Variants in NRG1 observed in about 807,000 individuals in gnomAD.
The protein encoded by NRG1 is pro-neuregulin-1, membrane-bound isoform.
A neutral mutation model predicts 63.8 loss-of-function variants in NRG1; 18 were observed. The observed-to-expected ratio is 0.28, with a 90% CI of 0.19 to 0.42. The LOEUF (loss-of-function observed/expected upper bound fraction) is 0.42, where lower values mean the gene tolerates loss of function less well. Ranked by LOEUF, NRG1 falls within the 10% of genes least tolerant of loss-of-function variation. The pLI, the probability that NRG1 is intolerant of heterozygous loss-of-function variation, is 1.00. For missense variants in NRG1, 762 were observed against 814.7 expected (o/e 0.94, Z 0.79); for synonymous variants, 302 against 301.3 (o/e 1.00, Z -0.02).
chr8:32,130,065 T>C (rs146874537), intron 1 of NRG1, among the ~76,000 whole-genome samples: 1,558 of 152,048 alleles, frequency 0.01, 12 homozygotes, highest in Middle Eastern at 0.027. Flanking sequence ...TAGTTGCCAT[T>C]GAAAGACGGC....
At chr8:32,422,994 C>A (rs949768479) in intron 1 of NRG1, among the ~76,000 whole-genome samples, 2 of 152,176 alleles carry the variant, frequency 1.3e-5, no homozygotes, top group Non-Finnish European at 2.9e-5. Flanking sequence ...CTGGGAAGCC[C>A]TTTGGAGATG....
At chr8:31,759,557 T>C (rs1413421888) in intron 1 of NRG1, among the ~76,000 whole-genome samples, 1 of 152,074 alleles carries the variant, frequency 6.6e-6, no homozygotes, top group East Asian at 1.9e-4. Flanking sequence ...TAAGTGTGAG[T>C]TTATTGATGG....
At chr8:32,439,936 C>A (rs1400325123) in intron 1 of NRG1, among the ~76,000 whole-genome samples, 3 of 151,924 alleles carry the variant, frequency 2.0e-5, no homozygotes, top group Non-Finnish European at 4.4e-5. Flanking sequence ...CCCACCACAC[C>A]TGGTATATTA....
In NRG1 at chr8:32,264,813, G is replaced by GA. The variant is rs71541809; in HGVS notation, c.38-331004dup. On this transcript the variant is annotated intron_variant, in intron 1 of 10. Transcript: ENST00000519301. The stretch of plus-strand genomic sequence containing the variant: ...TGGTTCCAATACTGTGAGGCCACAG[G>GA]AAAAAAAAAAAGGATTCTGAAAGAT... Among the ~76,000 whole-genome samples the GA allele has an allele frequency of 3.0e-4, 44 of 144,520 alleles. 1 individual carries two copies. The highest frequency in any genetic ancestry group is 5.6e-4 in the African/African-American group (22 of 39,604). 94.8% of individuals were successfully genotyped at this position (144,520 alleles called of 152,430 possible).
chr8:32,652,404 T>C (rs1855327466), intron 5 of NRG1, among the ~76,000 whole-genome samples: 1 of 152,164 alleles, frequency 6.6e-6, no homozygotes. Flanking sequence ...AGCAGATTGC[T>C]CTGTGGCTCA....
chr8:32,745,227 G>C (rs1165798398), intron 7 of NRG1, among the ~76,000 whole-genome samples: 5 of 152,146 alleles, frequency 3.3e-5, no homozygotes, highest in African/African-American at 4.8e-5. Flanking sequence ...TGTCACCATA[G>C]TGACCGTTTT....
rs186506478 is a variant in NRG1, at chr8:32,100,788, G to A, written c.37+461357G>A. Among the ~76,000 whole-genome samples the A allele has an allele frequency of 2.3e-4, 35 of 152,286 alleles. 1 individual carries two copies. Among genetic ancestry groups the A allele is most frequent in the African/African-American group, 6.5e-4 (27 of 41,564 alleles). On this transcript the variant is annotated intron_variant, in intron 1 of 10. Coordinates refer to the NRG1 transcript ENST00000519301. Reference sequence around the variant, plus strand: ...AAATCCAGAAACTGTCAAAGTAGGCGATGTCAGAGATGCTGCAGTTGCTTG... The same window carrying A: ...AAATCCAGAAACTGTCAAAGTAGGCAATGTCAGAGATGCTGCAGTTGCTTG...
chr8:32,011,739 G>T (rs991928929), intron 1 of NRG1, among the ~76,000 whole-genome samples: 2 of 152,056 alleles, frequency 1.3e-5, no homozygotes, highest in African/African-American at 4.8e-5. Context: ...TGGGGCTGAG[G>T]CATGCCTGGT....
chr8:31,682,781 A>C (rs1026988201), intron 1 of NRG1, among the ~76,000 whole-genome samples: 3 of 152,216 alleles, frequency 2.0e-5, no homozygotes, highest in African/African-American at 7.2e-5. Context: ...AGTCGAATAA[A>C]AACAGATGCA....
At chr8:31,780,307 T>C (rs1306887818) in intron 1 of NRG1, among the ~76,000 whole-genome samples, 1 of 152,212 alleles carries the variant, frequency 6.6e-6, no homozygotes, top group Non-Finnish European at 1.5e-5. Flanking sequence ...CTTCTTCTTA[T>C]TTCAGTTGTA....
At chr8:32,193,084 G>A (rs906158184) in intron 1 of NRG1, among the ~76,000 whole-genome samples, 1 of 152,152 alleles carries the variant, frequency 6.6e-6, no homozygotes, top group Non-Finnish European at 1.5e-5. Context: ...ATGAATGAAT[G>A]AACTGATGAA....
intron 1 of NRG1, among the ~76,000 whole-genome samples, chr8:32,143,368 A>G (rs769278865): frequency 6.6e-6 from 1 of 152,240 alleles, no homozygotes; most frequent in Non-Finnish European, 1.5e-5. Context: ...GGATGATTCT[A>G]TACATAAATA....
chr8:32,315,458 A>G (rs1857280505), intron 1 of NRG1, among the ~76,000 whole-genome samples: 1 of 152,142 alleles, frequency 6.6e-6, no homozygotes, highest in South Asian at 2.1e-4. Flanking sequence ...TATGTACCAC[A>G]TTGTCTATCC....
chr8:32,011,422 C>T (rs1280090696), intron 1 of NRG1, among the ~76,000 whole-genome samples: 1 of 152,070 alleles, frequency 6.6e-6, no homozygotes, highest in Non-Finnish European at 1.5e-5. Context: ...CTTCAACCTC[C>T]AGCCCATTTT....
intron 1 of NRG1, among the ~76,000 whole-genome samples, chr8:32,031,850 C>G (rs1425190665): frequency 6.6e-6 from 1 of 152,110 alleles, no homozygotes; most frequent in Non-Finnish European, 1.5e-5. Context: ...TTTTCTTTAT[C>G]CAGCCTATCA....
At chr8:32,109,861 T>G (rs1831770149) in intron 1 of NRG1, among the ~76,000 whole-genome samples, 1 of 152,222 alleles carries the variant, frequency 6.6e-6, no homozygotes, top group Non-Finnish European at 1.5e-5. Context: ...GTTTATTAGT[T>G]GCAGTCTCAG....
intron 1 of NRG1, among the ~76,000 whole-genome samples, chr8:31,839,107 T>C (rs1375381928): frequency 1.3e-5 from 2 of 152,244 alleles, no homozygotes; most frequent in East Asian, 3.8e-4. Flanking sequence ...TCTATGATAA[T>C]AATTTGAGGT....
intron 5 of NRG1, among the ~76,000 whole-genome samples, chr8:32,726,304 C>T (rs1183202724): frequency 6.6e-6 from 1 of 151,948 alleles, no homozygotes; most frequent in African/African-American, 2.4e-5. Context: ...TTAATATTTG[C>T]TATTATTCAT....
chr8:32,764,336 G>A (rs747143197), exon 12 of NRG1: 26 of 1,613,154 alleles, frequency 1.6e-5, no homozygotes, highest in East Asian at 4.5e-5. Flanking sequence ...GCCGCTTCTC[G>A]ACACAGGAAG....
Sources: allele counts gnomAD v4.1 joint callset (sites outside exome capture counted in the v4.1 genomes callset), GRCh38; gene constraint gnomAD v4.1.1; transcripts MANE v1.5; gene names NCBI Gene and HGNC (gene_info 2026-07-23, HGNC 2026-07-21).